STIL: variants seen among roughly 807,000 people sequenced by gnomAD.
STIL encodes the protein SCL-interrupting locus protein.
In STIL, 55 loss-of-function variants were observed where a neutral mutation model predicts 110.1. The observed-to-expected ratio is 0.50, with a 90% CI of 0.40 to 0.63. The LOEUF (loss-of-function observed/expected upper bound fraction) is 0.63, where lower values mean the gene tolerates loss of function less well. Among genes scored for constraint, STIL ranks in the 20% least tolerant of loss-of-function variants. The pLI, the probability that STIL is intolerant of heterozygous loss-of-function variation, is 0.00. For missense variants in STIL, 1,358 were observed against 1,530.0 expected (o/e 0.89, Z 1.87); for synonymous variants, 481 against 530.0 (o/e 0.91, Z 1.27).
intron 14 of STIL, among the ~76,000 whole-genome samples, chr1:47,265,240 A>AAAAAAAAAAC (rs1644605400): frequency 6.8e-6 from 1 of 147,304 alleles, no homozygotes; most frequent in Non-Finnish European, 1.5e-5. Context: ...CATCTCCCAA[A>AAAAAAAAAAC]AAAAAAAAAA....
chr1:47,309,439 T>C (rs1646059813), intron 2 of STIL, among the ~76,000 whole-genome samples: 1 of 151,912 alleles, frequency 6.6e-6, no homozygotes, highest in South Asian at 2.1e-4. Context: ...CCGACAAATT[T>C]TCAAATAAGA....
chr1:47,251,433 G>C lies in STIL; in HGVS notation c.3570C>G (p.Asn1190Lys), dbSNP rs748683034. The part of the protein sequence containing the change: ...NCSNCESVGT[N>K]ADTPVLRNIT... ...TATTTCTCAATACTGGCGTATCTGCGTTGGTCCCCACAGATTCACAGTTAG... is the reference window on the plus strand; with the variant it reads ...TATTTCTCAATACTGGCGTATCTGCCTTGGTCCCCACAGATTCACAGTTAG... The change falls in exon 17 of 17, where the codon AAC (asparagine) becomes AAG (lysine). Residue 1190 changes from asparagine to lysine, a missense_variant. Coordinates refer to ENST00000371877, the MANE Select transcript of STIL (RefSeq NM_001048166.1). 9.3e-6 allele frequency: 15 copies of C among 1,614,156 alleles called. No homozygotes were observed. The highest frequency in any genetic ancestry group is 1.3e-5 in the Non-Finnish European group (15 of 1,180,030).
At chr1:47,314,633 G>A (rs544951306), upstream of STIL, among the ~76,000 whole-genome samples, 1 of 152,180 alleles carries the variant, frequency 6.6e-6, no homozygotes, top group African/African-American at 2.4e-5. Flanking sequence ...ATTCTAAAAT[G>A]TACATTTTTA....
At chr1:47,298,996 G>T (rs537301757) in intron 6 of STIL, among the ~76,000 whole-genome samples, 1 of 150,272 alleles carries the variant, frequency 6.7e-6, no homozygotes, top group Non-Finnish European at 1.5e-5. Context: ...TGATCCACCC[G>T]CCTCGGCCTC....
chr1:47,314,385 C>A (rs536853554), upstream of STIL, among the ~76,000 whole-genome samples: 6 of 152,368 alleles, frequency 3.9e-5, no homozygotes, highest in Non-Finnish European at 7.3e-5. Flanking sequence ...AGGATTTAAA[C>A]CTTTCATTTC....
rs142251133 is a variant in STIL, at chr1:47,260,794, C to T, written c.2830-255G>A. On this transcript the variant is annotated intron_variant, in intron 15 of 16. Coordinates refer to ENST00000371877, the MANE Select transcript of STIL (RefSeq NM_001048166.1). The stretch of plus-strand genomic sequence containing the variant: ...TGAAGTAGGAGGACCACTTGAGCCA[C>T]GAGGCTGAGGCTGCAGTTAGCCGTG... 3.3e-4 allele frequency among the ~76,000 whole-genome samples: 50 copies of T among 152,140 alleles called. No individual in the cohort carries two copies. In the East Asian group the frequency reaches 8.9e-3, roughly 27 times the overall value.
chr1:47,271,272 T>A (rs1644827229), intron 13 of STIL, among the ~76,000 whole-genome samples: 1 of 152,074 alleles, frequency 6.6e-6, no homozygotes, highest in South Asian at 2.1e-4. Flanking sequence ...AACAGATGGT[T>A]AAAACCAAAA....
At chr1:47,296,889 C>T (rs1645656930) in intron 6 of STIL, among the ~76,000 whole-genome samples, 1 of 152,202 alleles carries the variant, frequency 6.6e-6, no homozygotes, top group Admixed American at 6.5e-5. Context: ...TTTTATTGCT[C>T]TAATAACACT....
intron 16 of STIL, among the ~76,000 whole-genome samples, chr1:47,256,516 G>A (rs1000581372): frequency 6.6e-6 from 1 of 151,782 alleles, no homozygotes; most frequent in East Asian, 1.9e-4. Context: ...AGCTACTCAG[G>A]AGGCGGAGGC....
chr1:47,256,498 G>A (rs573426314), intron 16 of STIL, among the ~76,000 whole-genome samples: 3 of 152,006 alleles, frequency 2.0e-5, no homozygotes, highest in African/African-American at 7.2e-5. Flanking sequence ...GTGCGCACCT[G>A]TAGTCCCAGC....
At chr1:47,294,026 A>G (rs1645571335) in intron 7 of STIL, among the ~76,000 whole-genome samples, 1 of 152,224 alleles carries the variant, frequency 6.6e-6, no homozygotes, top group African/African-American at 2.4e-5. Context: ...CTTAAGCATC[A>G]ACAATCCATT....
Position 47,280,294 on chromosome 1 carries a change from C to T in STIL, c.2164G>A (p.Ala722Thr). 6.2e-7 allele frequency: 1 copy of T among 1,614,238 alleles called. No homozygotes were observed. Among genetic ancestry groups the T allele is most frequent in the East Asian group, 2.2e-5 (1 of 44,884 alleles). ...TCTTGTTCTGTGAGGAACCGATATGCATCTGGAGATAGTCCCATCATTCCA... is the reference window on the plus strand; with the variant it reads ...TCTTGTTCTGTGAGGAACCGATATGTATCTGGAGATAGTCCCATCATTCCA... ...DNGMMGLSPD[A>T]YRFLTEQDRQ... is the part of the protein sequence containing the mutation. Residue 722 changes from alanine to threonine, a missense_variant, in exon 12 of 17, where the codon GCA (alanine) becomes ACA (threonine). Physicochemically the swap from Ala to Thr is moderately conservative, Grantham distance 58. Coordinates refer to ENST00000371877, the MANE Select transcript of STIL (RefSeq NM_001048166.1).
chr1:47,251,329 G>A lies in STIL; in HGVS notation c.3674C>T (p.Pro1225Leu), dbSNP rs200517799. 3 of 1,614,178 alleles carry A rather than the reference G, an allele frequency of 1.9e-6. No individual in the cohort carries two copies. Among genetic ancestry groups the A allele is most frequent in the East Asian group, 4.5e-5 (2 of 44,884 alleles). Residue 1225 changes from proline to leucine, a missense_variant, in exon 17 of 17, where the codon CCA becomes CTA. Coordinates refer to ENST00000371877, the MANE Select transcript of STIL (RefSeq NM_001048166.1). ...GGTTCGAAGGTTCACTGCAGGACTTGGTTTAAGGTTCTTTACTAAGAAAGC... is the reference window on the plus strand; with the variant it reads ...GGTTCGAAGGTTCACTGCAGGACTTAGTTTAAGGTTCTTTACTAAGAAAGC... ...KPAFLVKNLKPSPAVNLRTGK... is the reference protein window; with the variant it reads ...KPAFLVKNLKLSPAVNLRTGK...
At chr1:47,285,526 C>G (rs899505289) in intron 10 of STIL, among the ~76,000 whole-genome samples, 4 of 152,144 alleles carry the variant, frequency 2.6e-5, no homozygotes, top group Admixed American at 2.6e-4. Context: ...GGCATGATCT[C>G]GGCTCACTAC....
chr1:47,306,691 G>A (rs1570290713), intron 2 of STIL, among the ~76,000 whole-genome samples: 1 of 152,280 alleles, frequency 6.6e-6, no homozygotes, highest in Middle Eastern at 3.4e-3. Flanking sequence ...CCAAAATACA[G>A]CACAAGTTTA....
chr1:47,256,108 C>T (rs1164533165), intron 16 of STIL, among the ~76,000 whole-genome samples: 4 of 152,100 alleles, frequency 2.6e-5, no homozygotes, highest in Non-Finnish European at 4.4e-5. Context: ...TAAACAACGG[C>T]CTTATAAACT....
intron 14 of STIL, among the ~76,000 whole-genome samples, chr1:47,267,202 C>A (rs1359650066): frequency 6.6e-6 from 1 of 152,158 alleles, no homozygotes; most frequent in Non-Finnish European, 1.5e-5. Flanking sequence ...GTTACCATCC[C>A]AGTTACACTC....
At chr1:47,267,142 C>A (rs1474645996) in intron 14 of STIL, among the ~76,000 whole-genome samples, 2 of 152,212 alleles carry the variant, frequency 1.3e-5, no homozygotes, top group Admixed American at 6.5e-5. Flanking sequence ...CACCCCCTCA[C>A]AGAGATGGTT....
At chr1:47,307,137 G>T (rs1256545874) in intron 2 of STIL, among the ~76,000 whole-genome samples, 1 of 152,166 alleles carries the variant, frequency 6.6e-6, no homozygotes, top group Non-Finnish European at 1.5e-5. Context: ...GGTGACAAGA[G>T]CAAAACTCCA....
Sources: allele counts gnomAD v4.1 joint callset (sites outside exome capture counted in the v4.1 genomes callset), GRCh38; gene constraint gnomAD v4.1.1; transcripts MANE v1.5; gene names NCBI Gene and HGNC (gene_info 2026-07-23, HGNC 2026-07-21).